ZSWIM5: variants seen among roughly 807,000 people sequenced by gnomAD.
The protein encoded by ZSWIM5 is zinc finger SWIM domain-containing protein 5.
ZSWIM5 carries 55 observed loss-of-function variants against 119.6 expected under a neutral mutation model. That is an observed-to-expected ratio of 0.46 (90% CI 0.37 to 0.58). The LOEUF (loss-of-function observed/expected upper bound fraction) is 0.58. Among genes scored for constraint, ZSWIM5 ranks in the 20% least tolerant of loss-of-function variants. The pLI is 0.00. For synonymous variants in ZSWIM5, 537 were observed against 606.9 expected (o/e 0.88, Z 1.69); for missense variants, 1,193 against 1,512.8 (o/e 0.79, Z 3.51).
At chr1:45,068,958 A>C (rs1427374133) in intron 2 of ZSWIM5, among the ~76,000 whole-genome samples, 2 of 150,622 alleles carry the variant, frequency 1.3e-5, no homozygotes, top group African/African-American at 4.9e-5. Flanking sequence ...GGCACACACC[A>C]CCATGCCCAG....
At chr1:45,052,030 G>A (rs1237046060) in intron 4 of ZSWIM5, among the ~76,000 whole-genome samples, 1 of 139,114 alleles carries the variant, frequency 7.2e-6, no homozygotes, top group Non-Finnish European at 1.5e-5. Context: ...ACAAAGTCTC[G>A]CTCTTGCCCC....
intron 1 of ZSWIM5, among the ~76,000 whole-genome samples, chr1:45,132,227 AC>A (rs962460751): frequency 2.0e-5 from 3 of 152,234 alleles, no homozygotes; most frequent in Admixed American, 2.0e-4. Context: ...TAAGAAAAAA[AC>A]ATGCAAATTT....
chr1:45,186,392 A>T (rs1019780869), intron 1 of ZSWIM5, among the ~76,000 whole-genome samples: 3 of 151,654 alleles, frequency 2.0e-5, no homozygotes, highest in Non-Finnish European at 4.4e-5. Context: ...CCTAAAACTT[A>T]AAGTATAATA....
intron 5 of ZSWIM5, among the ~76,000 whole-genome samples, chr1:45,050,161 G>A (rs1645081082): frequency 6.6e-6 from 1 of 151,948 alleles, no homozygotes; most frequent in Non-Finnish European, 1.5e-5. Context: ...TCAAGACCAG[G>A]CTGGCCAACA....
chr1:45,126,650 C>A (rs1384214307), intron 1 of ZSWIM5, among the ~76,000 whole-genome samples: 1 of 152,064 alleles, frequency 6.6e-6, no homozygotes, highest in Non-Finnish European at 1.5e-5. Context: ...CACCTGTAAT[C>A]CCAGCACTTA....
rs747328800 is a variant in ZSWIM5, at chr1:45,019,161, G to A, written c.2851C>T (p.Arg951Cys). Reference protein sequence around the residue: ...PQREELASCARTLALQCAMKD... With the variant: ...PQREELASCACTLALQCAMKD... ...ATAGCACACTGTAGAGCCAGTGTGC[G>A]AGCACAGCTAGCCAGTTCCTCCCGC... is the stretch of plus-strand genomic sequence containing the variant. Residue 951 changes from arginine to cysteine, a missense_variant, in exon 14 of 14, where the codon CGC becomes TGC. Around this residue, in one of 2 missense-constraint regions of ZSWIM5, gnomAD observed 961 missense variants for 1,290.0 expected, o/e 0.74. Coordinates refer to ENST00000359600, the MANE Select transcript of ZSWIM5 (RefSeq NM_020883.2). This position sits in a 1 kb window ranked among gnomAD's most constrained non-coding sequence, Gnocchi z 5.0. 7 of 1,613,816 alleles carry A rather than the reference G, an allele frequency of 4.3e-6. No individual in the cohort carries two copies. Among genetic ancestry groups the A allele is most frequent in the South Asian group, 1.1e-5 (1 of 91,054 alleles).
intron 1 of ZSWIM5, among the ~76,000 whole-genome samples, chr1:45,198,994 T>A (rs900742967): frequency 6.6e-6 from 1 of 152,230 alleles, no homozygotes; most frequent in African/African-American, 2.4e-5. Flanking sequence ...AATCTTTTGC[T>A]TAAGTATATG....
chr1:45,122,255 T>G (rs925031753), intron 1 of ZSWIM5, among the ~76,000 whole-genome samples: 9 of 152,174 alleles, frequency 5.9e-5, no homozygotes, highest in African/African-American at 2.2e-4. Context: ...TGCTTGACCT[T>G]TCAGTACCAC....
intron 1 of ZSWIM5, among the ~76,000 whole-genome samples, chr1:45,131,222 A>G (rs1645654618): frequency 6.6e-6 from 1 of 152,154 alleles, no homozygotes; most frequent in Non-Finnish European, 1.5e-5. Flanking sequence ...CTATAGTTTG[A>G]AGGTGTTATC....
At chr1:45,119,163 T>TA (rs993607976) in intron 1 of ZSWIM5, among the ~76,000 whole-genome samples, 2 of 152,152 alleles carry the variant, frequency 1.3e-5, no homozygotes, top group African/African-American at 4.8e-5. Flanking sequence ...CTCTAGCACT[T>TA]ACCATGATTT....
intron 1 of ZSWIM5, among the ~76,000 whole-genome samples, chr1:45,122,644 G>C (rs1341197501): frequency 6.6e-6 from 1 of 152,106 alleles, no homozygotes; most frequent in Non-Finnish European, 1.5e-5. Context: ...TTGGAGGTGT[G>C]AATAAGCCTG....
At position 45,178,943 on chromosome 1, in the gene ZSWIM5, G is replaced by A. The variant is rs58301056; in HGVS notation, c.595+26813C>T. Among the ~76,000 whole-genome samples, 1,103 of 151,932 alleles carry A rather than the reference G, an allele frequency of 7.3e-3. 15 individuals carry two copies. Among genetic ancestry groups the A allele is most frequent in the African/African-American group, 0.022 (925 of 41,496 alleles). ...TTAAAATTAAAATAAATAAATAAAT[G>A]AATGAATTCCACAAGGTTAGGGGTA... On this transcript the variant is annotated intron_variant, in intron 1 of 13. Coordinates refer to ENST00000359600, the MANE Select transcript of ZSWIM5 (RefSeq NM_020883.2).
At position 45,073,680 on chromosome 1, in the gene ZSWIM5, G is replaced by A. The variant is rs1373084605; in HGVS notation, c.953-13433C>T. On this transcript the variant is annotated intron_variant, in intron 2 of 13. Transcript: ENST00000359600. ...ATATAAGATCATATCATCTGCAAAC[G>A]AGGATAATTTGACTTCTTCCTTTCC... Among the ~76,000 whole-genome samples, 8 of 151,782 alleles carry A rather than the reference G, an allele frequency of 5.3e-5. No homozygotes were observed. In the East Asian group the frequency reaches 9.6e-4, roughly 18 times the overall value.
chr1:45,148,609 C>A (rs1248534487), intron 1 of ZSWIM5, among the ~76,000 whole-genome samples: 1 of 151,966 alleles, frequency 6.6e-6, no homozygotes, highest in Non-Finnish European at 1.5e-5. Flanking sequence ...ATTGGTTGGG[C>A]TCTACACTTG....
chr1:45,063,546 T>C (rs1462613105), intron 2 of ZSWIM5, among the ~76,000 whole-genome samples: 3 of 152,230 alleles, frequency 2.0e-5, no homozygotes, highest in Non-Finnish European at 4.4e-5. Flanking sequence ...ACTTATGATA[T>C]GCTTCAGCCA....
At chr1:45,113,542 C>G (rs948455371) in intron 1 of ZSWIM5, among the ~76,000 whole-genome samples, 3 of 151,966 alleles carry the variant, frequency 2.0e-5, no homozygotes, top group Non-Finnish European at 2.9e-5. Context: ...ATGATCAGAT[C>G]TATGTTTTAG....
chr1:45,148,800 T>C (rs1645777949), intron 1 of ZSWIM5, among the ~76,000 whole-genome samples: 2 of 152,218 alleles, frequency 1.3e-5, no homozygotes, highest in South Asian at 2.1e-4. Context: ...TAATATTCAT[T>C]CCTCAAAGGT....
In ZSWIM5 at chr1:45,088,287, T is replaced by G. The variant is rs372487888; in HGVS notation, c.596-50A>C. 226 of 1,316,280 alleles carry G rather than the reference T, an allele frequency of 1.7e-4. No individual in the cohort carries two copies. In the African/African-American group the frequency reaches 3.0e-3, roughly 18 times the overall value. The allele number at this position is 1,316,280 out of a possible 1,614,324, so 81.5% of individuals were successfully genotyped here. ...GTTTAGAGATTCTAGAGTAATAAAC[T>G]TAGATTCTCATTTTACATGTAAATT... On this transcript the variant is annotated intron_variant, in intron 1 of 13. Coordinates refer to ENST00000359600, the MANE Select transcript of ZSWIM5 (RefSeq NM_020883.2). This position sits in a 1 kb window ranked among gnomAD's most constrained non-coding sequence, Gnocchi z 4.2.
chr1:45,032,496 T>G (rs892489657), intron 11 of ZSWIM5, among the ~76,000 whole-genome samples: 9 of 151,228 alleles, frequency 6.0e-5, no homozygotes, highest in South Asian at 2.1e-4. Flanking sequence ...TTGTTTTTTT[T>G]TTTTTTTTGA....
Sources: gnomAD v4.1 joint callset for allele counts (sites outside exome capture counted in the v4.1 genomes callset) on GRCh38, gnomAD v4.1.1 for gene constraint, gnomAD v4.1.1 regional missense constraint, Gnocchi (gnomAD v3.1) non-coding constraint, MANE v1.5 for transcripts, NCBI Gene and HGNC (gene_info 2026-07-23, HGNC 2026-07-21) for gene names.